PACS1: variants seen among roughly 807,000 people sequenced by gnomAD.
PACS1 encodes PACS-1.
In PACS1, 24 loss-of-function variants were observed where a neutral mutation model predicts 115.0. The ratio of observed to expected loss-of-function variants is 0.21; its 90% CI spans 0.15 to 0.29. PACS1 has a LOEUF of 0.29. PACS1 is among the 10% of genes least tolerant of loss of function. The pLI, the probability that PACS1 is intolerant of heterozygous loss-of-function variation, is 1.00. For synonymous variants in PACS1, 453 were observed against 504.5 expected, an observed-to-expected ratio of 0.90 and a Z score of 1.37; for missense variants, 838 against 1,251.2, an observed-to-expected ratio of 0.67 and a Z score of 4.98.
intron 1 of PACS1, among the ~76,000 whole-genome samples, chr11:66,141,147 T>TA (rs1488368077): frequency 6.6e-6 from 1 of 152,244 alleles, no homozygotes; most frequent in Non-Finnish European, 1.5e-5. Flanking sequence ...TATGAAGTCT[T>TA]AAAATTTTAT....
chr11:66,121,178 C>T (rs1024307615), intron 1 of PACS1: 11 of 428,578 alleles, frequency 2.6e-5, no homozygotes, highest in Admixed American at 1.7e-4. Context: ...GTGTTGGTTA[C>T]GGTGATCAGT....
intron 1 of PACS1, among the ~76,000 whole-genome samples, chr11:66,086,360 G>A (rs957041591): frequency 6.6e-6 from 1 of 151,994 alleles, no homozygotes; most frequent in Non-Finnish European, 1.5e-5. Flanking sequence ...GGATGGTCTC[G>A]ATCTCCTGAC....
chr11:66,143,701 A>T (rs1412872594), intron 1 of PACS1, among the ~76,000 whole-genome samples: 1 of 152,112 alleles, frequency 6.6e-6, no homozygotes, highest in African/African-American at 2.4e-5. Context: ...GTGCAGTGGC[A>T]CAATCTCGGC....
At chr11:66,118,259 G>A (rs1261514209) in intron 1 of PACS1, among the ~76,000 whole-genome samples, 3 of 152,200 alleles carry the variant, frequency 2.0e-5, no homozygotes, top group Non-Finnish European at 4.4e-5. Context: ...TTATGTGTAT[G>A]CCATTGAGCC....
At chr11:66,168,486 C>T (rs1167218572) in intron 1 of PACS1, among the ~76,000 whole-genome samples, 10 of 150,224 alleles carry the variant, frequency 6.7e-5, no homozygotes, top group Non-Finnish European at 1.5e-4. Flanking sequence ...AACCAGGCTG[C>T]CTGGTTTCAG....
In PACS1 at chr11:66,236,848, G is replaced by A. The variant is rs980883225; in HGVS notation, c.2250+908G>A. Among the ~76,000 whole-genome samples, 1 of 151,840 alleles carries A rather than the reference G, an allele frequency of 6.6e-6. No individual in the cohort carries two copies. Among genetic ancestry groups the A allele is most frequent in the Non-Finnish European group, 1.5e-5 (1 of 67,996 alleles). Reference sequence around the variant, plus strand: ...ACAATCTCAGCTCACTGCAACCTCTGCCTCCTGGGTTCAAGTGATCCTCCT... The same window carrying A: ...ACAATCTCAGCTCACTGCAACCTCTACCTCCTGGGTTCAAGTGATCCTCCT... On this transcript the variant is annotated intron_variant, in intron 19 of 23. Coordinates refer to ENST00000320580, the MANE Select transcript of PACS1 (RefSeq NM_018026.4). This position sits in a 1 kb window ranked among gnomAD's most constrained non-coding sequence, Gnocchi z 4.2.
At position 66,242,987 on chromosome 11, in the gene PACS1, G is replaced by A. The variant is rs747266095; in HGVS notation, c.2732G>A (p.Ser911Asn). 1 of 1,614,000 alleles carries A rather than the reference G, an allele frequency of 6.2e-7. No homozygotes were observed. Among genetic ancestry groups the A allele is most frequent in the South Asian group, 1.1e-5 (1 of 91,064 alleles). ...AAGAGCCAGGTCATTGAAGGCATCA[G>A]CCGCCTCATCTGCTCAGCCAAGCAG... ...DSKSQVIEGI[S>N]RLICSAKQQQ... Residue 911 changes from serine (S) to asparagine (N), a missense_variant, in exon 23 of 24, where the codon AGC (serine) becomes AAC (asparagine). Physicochemically the swap from Ser to Asn is conservative, Grantham distance 46. This residue lies in a region of PACS1 where 84 missense variants were observed against 187.1 expected (regional missense o/e 0.45). Transcript: ENST00000320580.
chr11:66,202,547 T>C (rs943465786), intron 2 of PACS1, among the ~76,000 whole-genome samples: 1 of 151,524 alleles, frequency 6.6e-6, no homozygotes, highest in Non-Finnish European at 1.5e-5. Context: ...ATTAATGTGA[T>C]ACATCATATC....
intron 4 of PACS1, among the ~76,000 whole-genome samples, chr11:66,213,178 T>C (rs1045453028): frequency 6.0e-4 from 92 of 152,306 alleles, no homozygotes; most frequent in Middle Eastern, 3.4e-3. Context: ...TGTAGTAAGA[T>C]AGTGCTTTTC....
At chr11:66,148,925 C>CA in intron 1 of PACS1, among the ~76,000 whole-genome samples, 1 of 151,772 alleles carries the variant, frequency 6.6e-6, no homozygotes, top group Non-Finnish European at 1.5e-5. Context: ...GGCTCCATCT[C>CA]AAAACAAAAC....
At chr11:66,100,689 C>T (rs982356391) in intron 1 of PACS1, 33 of 412,670 alleles carry the variant, frequency 8.0e-5, no homozygotes, top group Non-Finnish European at 1.5e-4. Context: ...ATTCTCTCTG[C>T]GGCACTCAAG....
intron 1 of PACS1, among the ~76,000 whole-genome samples, chr11:66,136,974 T>G (rs1858859017): frequency 6.6e-6 from 1 of 151,580 alleles, no homozygotes; most frequent in Non-Finnish European, 1.5e-5. Flanking sequence ...TCTTGATTTT[T>G]GGGGATTTTT....
chr11:66,083,166 G>A (rs1857517091), intron 1 of PACS1, among the ~76,000 whole-genome samples: 1 of 152,118 alleles, frequency 6.6e-6, no homozygotes, highest in African/African-American at 2.4e-5. Context: ...CTTTTGCTGT[G>A]GATGAAAATG....
chr11:66,102,430 G>A (rs1302228762), intron 1 of PACS1, among the ~76,000 whole-genome samples: 3 of 150,800 alleles, frequency 2.0e-5, no homozygotes, highest in Non-Finnish European at 3.0e-5. Flanking sequence ...GTTCAAGCGA[G>A]TCTCCTGTCT....
chr11:66,131,670 G>A (rs1341411443), intron 1 of PACS1, among the ~76,000 whole-genome samples: 1 of 152,000 alleles, frequency 6.6e-6, no homozygotes, highest in East Asian at 1.9e-4. Context: ...GCTCATGACT[G>A]TAATCCCAGC....
chr11:66,119,759 C>CT (rs1332917254), intron 1 of PACS1, among the ~76,000 whole-genome samples: 1 of 152,200 alleles, frequency 6.6e-6, no homozygotes, highest in Non-Finnish European at 1.5e-5. Flanking sequence ...GATTATAGAA[C>CT]ATGCTTGCCT....
rs1565150566 is a variant in PACS1, at chr11:66,215,915, AATAATAAT to A, written c.661-202_661-195del. On this transcript the variant is annotated intron_variant, in intron 4 of 23. Coordinates refer to ENST00000320580, the MANE Select transcript of PACS1 (RefSeq NM_018026.4). ...ACTCCGTCTCAAAAATAATAATAATAATAATAATAATAATAATAATAATAATAATAATA... is the reference window on the plus strand; with the variant it reads ...ACTCCGTCTCAAAAATAATAATAATAAATAATAATAATAATAATAATAATA... Among the ~76,000 whole-genome samples, 244 of 143,882 alleles carry A rather than the reference AATAATAAT, an allele frequency of 1.7e-3. 2 individuals carry two copies. In the South Asian group the frequency reaches 0.019, roughly 11 times the overall value. 94.4% of individuals were successfully genotyped at this position (143,882 alleles called of 152,430 possible).
intron 1 of PACS1, among the ~76,000 whole-genome samples, chr11:66,109,944 T>TAAGATATAAACGGCAC (rs1858148405): frequency 6.6e-6 from 1 of 152,202 alleles, no homozygotes; most frequent in Admixed American, 6.5e-5. Context: ...GTGAAGTTCT[T>TAAGATATAAACGGCAC]AAGATATAAA....
At chr11:66,143,439 G>A (rs755050670) in intron 1 of PACS1, among the ~76,000 whole-genome samples, 4 of 152,148 alleles carry the variant, frequency 2.6e-5, no homozygotes, top group African/African-American at 7.2e-5. Context: ...TGATGCCAAC[G>A]TGCTGTGGGT....
Sources: gnomAD v4.1 joint callset for allele counts (sites outside exome capture counted in the v4.1 genomes callset) on GRCh38, gnomAD v4.1.1 for gene constraint, gnomAD v4.1.1 regional missense constraint, Gnocchi (gnomAD v3.1) non-coding constraint, MANE v1.5 for transcripts, NCBI Gene and HGNC (gene_info 2026-07-23, HGNC 2026-07-21) for gene names.